PCDH15: variants seen among roughly 807,000 people sequenced by gnomAD.
The protein encoded by PCDH15 is protocadherin related 15, also known as protocadherin-15.
In PCDH15, 129 loss-of-function variants were observed where a neutral mutation model predicts 178.5. The observed-to-expected ratio is 0.72, with a 90% confidence interval of 0.63 to 0.84. The LOEUF (loss-of-function observed/expected upper bound fraction) is 0.84. Among genes scored for constraint, PCDH15 ranks in the 40% least tolerant of loss-of-function variants. The probability of loss-of-function intolerance (pLI) is 0.00; values close to 1 mark genes in which losing one functional copy is unlikely to be tolerated. For synonymous variants in PCDH15, 800 were observed against 732.0 expected, an observed-to-expected ratio of 1.09 and a Z score of -1.50; for missense variants, 2,230 against 2,099.9, an observed-to-expected ratio of 1.06 and a Z score of -1.21.
intron 8 of PCDH15, among the ~76,000 whole-genome samples, chr10:54,251,368 G>A (rs576948571): frequency 1.3e-5 from 2 of 152,024 alleles, no homozygotes; most frequent in Non-Finnish European, 2.9e-5. Context: ...CTTTGTTTTT[G>A]TTTTTCCTTA....
At chr10:54,815,906 A>C (rs958366164) in intron 3 of PCDH15, among the ~76,000 whole-genome samples, 2 of 152,070 alleles carry the variant, frequency 1.3e-5, no homozygotes, top group African/African-American at 4.8e-5. Context: ...TTATTGGAAA[A>C]ATACACTCTA....
Position 54,709,940 on chromosome 10 carries a change from T to C in PCDH15, c.-28-45650A>G, listed in dbSNP as rs547063880. Reference sequence around the variant, plus strand: ...GTGTAAGTGTTTTTTAACACCTTTATGTATATATATATTACATATTTATAT... The same window carrying C: ...GTGTAAGTGTTTTTTAACACCTTTACGTATATATATATTACATATTTATAT... On this transcript the variant is annotated intron_variant, in intron 1 of 37. Transcript: ENST00000644397. Among the ~76,000 whole-genome samples the C allele has an allele frequency of 1.0e-3, 148 of 144,878 alleles. 1 individual carries two copies. Among genetic ancestry groups the C allele is most frequent in the African/African-American group, 3.7e-3 (143 of 38,954 alleles).
chr10:54,351,746 A>G (rs1306246541), intron 5 of PCDH15, among the ~76,000 whole-genome samples: 1 of 152,124 alleles, frequency 6.6e-6, no homozygotes, highest in East Asian at 1.9e-4. Context: ...TCACTGTCAA[A>G]AAACCCTGCC....
chr10:55,122,036 G>A (rs1199752220), intron 2 of PCDH15, among the ~76,000 whole-genome samples: 1 of 152,070 alleles, frequency 6.6e-6, no homozygotes, highest in Non-Finnish European at 1.5e-5. Context: ...CATCACTGGA[G>A]GAATAGGAAA....
chr10:54,322,097 CA>C (rs1029319642), intron 7 of PCDH15, among the ~76,000 whole-genome samples: 1 of 151,704 alleles, frequency 6.6e-6, no homozygotes, highest in African/African-American at 2.4e-5. Flanking sequence ...ACAAAAACAA[CA>C]AAAACAGAAA....
At chr10:54,424,861 C>T (rs113864923) in intron 3 of PCDH15, among the ~76,000 whole-genome samples, 39 of 53,092 alleles carry the variant, frequency 7.3e-4, no homozygotes, top group African/African-American at 1.9e-3. Flanking sequence ...GCCCGTCAAG[C>T]GGTGGGGGGA....
chr10:54,056,743 C>T (rs941108899), intron 18 of PCDH15, among the ~76,000 whole-genome samples: 1 of 152,122 alleles, frequency 6.6e-6, no homozygotes, highest in African/African-American at 2.4e-5. Flanking sequence ...AAAATCTTAA[C>T]TCATTTCAGC....
intron 2 of PCDH15, among the ~76,000 whole-genome samples, chr10:54,637,374 C>T (rs1330004252): frequency 6.6e-6 from 1 of 151,898 alleles, no homozygotes; most frequent in Non-Finnish European, 1.5e-5. Flanking sequence ...TCTCATTAGC[C>T]TAAAATCGAG....
At chr10:55,221,720 G>A (rs1016850171) in intron 1 of PCDH15, among the ~76,000 whole-genome samples, 2 of 151,972 alleles carry the variant, frequency 1.3e-5, no homozygotes, top group South Asian at 2.1e-4. Context: ...ATGTATGCAC[G>A]TCCTCCATAG....
rs1396005297 is a variant in PCDH15 at position 55,203,203 on chromosome 10, G to T, written c.-155-36552C>A. The stretch of plus-strand genomic sequence containing the variant: ...AGTGTCCTTTTTCAAAGGGATGAGT[G>T]TCAGCTCTGTAGGGCTTCTCTTTTA... On this transcript the variant is annotated intron_variant, in intron 1 of 5. Coordinates refer to the PCDH15 transcript ENST00000458638. 4.1e-4 allele frequency among the ~76,000 whole-genome samples: 63 copies of T among 152,044 alleles called. 2 individuals are homozygous for T. The highest frequency in any genetic ancestry group is 1.2e-4 in the Non-Finnish European group (8 of 68,028).
At chr10:55,493,010 T>C (rs1279339169) in intron 2 of PCDH15, among the ~76,000 whole-genome samples, 4 of 151,696 alleles carry the variant, frequency 2.6e-5, no homozygotes, top group South Asian at 2.1e-4. Context: ...GACTATACAA[T>C]CTCTTAGATT....
At chr10:55,455,136 C>T (rs996940180) in intron 2 of PCDH15, among the ~76,000 whole-genome samples, 2 of 151,968 alleles carry the variant, frequency 1.3e-5, no homozygotes, top group Admixed American at 6.6e-5. Context: ...GGGTTCAAAC[C>T]CAGTAGGCCG....
chr10:54,833,882 G>A (rs1431002663), intron 3 of PCDH15, among the ~76,000 whole-genome samples: 1 of 152,114 alleles, frequency 6.6e-6, no homozygotes, highest in East Asian at 1.9e-4. Context: ...GTTTGATCAT[G>A]GGTAGATCGG....
At chr10:54,528,141 A>G (rs899123119) in intron 2 of PCDH15, among the ~76,000 whole-genome samples, 11 of 152,098 alleles carry the variant, frequency 7.2e-5, no homozygotes, top group Non-Finnish European at 1.5e-4. Context: ...GGAGAGCAGA[A>G]GTCCTTCAGG....
Position 54,798,139 on chromosome 10 carries a change from G to A in PCDH15, c.-29+2786C>T, listed in dbSNP as rs78689175. On this transcript the variant is annotated intron_variant, in intron 1 of 37. Transcript: ENST00000644397. ...TTTACACCTCTGGAATTTCTATGGC[G>A]ACTCTATCAAGAGAAAATAATCTGG... is the stretch of plus-strand genomic sequence containing the variant. 8.4e-3 allele frequency among the ~76,000 whole-genome samples: 1,265 copies of A among 151,404 alleles called. 21 individuals are homozygous for A. The highest frequency in any genetic ancestry group is 0.029 in the African/African-American group (1,179 of 41,302).
chr10:54,878,713 G>C (rs1002063214), intron 3 of PCDH15, among the ~76,000 whole-genome samples: 1 of 152,006 alleles, frequency 6.6e-6, no homozygotes, highest in African/African-American at 2.4e-5. Context: ...AGGATGTGCA[G>C]GTTTGTTACA....
At chr10:54,917,411 T>C (rs16906684) in intron 2 of PCDH15, among the ~76,000 whole-genome samples, 10,037 of 152,232 alleles carry the variant, frequency 0.066, 1,075 homozygotes, top group African/African-American at 0.22. Context: ...CTGTCATTGC[T>C]AGATGACTTC....
intron 14 of PCDH15, among the ~76,000 whole-genome samples, chr10:54,143,900 G>C (rs1173653052): frequency 1.3e-5 from 2 of 152,120 alleles, no homozygotes; most frequent in African/African-American, 4.8e-5. Context: ...ATTGGAGGAA[G>C]TGGTTATTTT....
intron 5 of PCDH15, among the ~76,000 whole-genome samples, chr10:54,362,240 G>A (rs1346517395): frequency 6.6e-6 from 1 of 151,944 alleles, no homozygotes; most frequent in Admixed American, 6.6e-5. Flanking sequence ...TATCTATGCA[G>A]TATTCTTATT....
Sources: gnomAD v4.1 joint callset for allele counts (sites outside exome capture counted in the v4.1 genomes callset) on GRCh38, gnomAD v4.1.1 for gene constraint, MANE v1.5 for transcripts, NCBI Gene and HGNC (gene_info 2026-07-23, HGNC 2026-07-21) for gene names.